PTPRT: variants seen among roughly 807,000 people sequenced by gnomAD.
PTPRT encodes receptor-type tyrosine-protein phosphatase T.
A neutral mutation model predicts 176.8 loss-of-function variants in PTPRT; 56 were observed. The observed-to-expected ratio is 0.32, with a 90% CI of 0.26 to 0.40. PTPRT has a LOEUF of 0.40. Ranked by LOEUF, PTPRT falls within the 10% of genes least tolerant of loss-of-function variation. The pLI is 1.00. For missense variants in PTPRT, 1,540 were observed against 1,908.2 expected (o/e 0.81, Z 3.60); for synonymous variants, 783 against 739.0 (o/e 1.06, Z -0.96).
At chr20:42,693,788 T>C (rs1412764392) in intron 6 of PTPRT, among the ~76,000 whole-genome samples, 3 of 152,048 alleles carry the variant, frequency 2.0e-5, no homozygotes, top group Admixed American at 6.6e-5. Context: ...GACCCTGGGG[T>C]AGGCAAACTA....
intron 7 of PTPRT, among the ~76,000 whole-genome samples, chr20:42,620,683 G>A (rs565502902): frequency 9.2e-5 from 14 of 152,302 alleles, no homozygotes; most frequent in African/African-American, 2.2e-4. Context: ...CGCAATATTC[G>A]GGTGGGAGTG....
chr20:43,166,275 C>T (rs1179099333), intron 1 of PTPRT, among the ~76,000 whole-genome samples: 6 of 150,924 alleles, frequency 4.0e-5, no homozygotes, highest in Non-Finnish European at 8.8e-5. Context: ...TGCAGTGAGT[C>T]GAGATTGTGC....
chr20:42,568,004 C>G (rs907831787), intron 7 of PTPRT, among the ~76,000 whole-genome samples: 1 of 150,254 alleles, frequency 6.7e-6, no homozygotes, highest in African/African-American at 2.5e-5. Context: ...GAGTCTTGCT[C>G]TGTCACCCAG....
chr20:42,865,923 T>C (rs553724117), intron 2 of PTPRT, among the ~76,000 whole-genome samples: 1 of 152,164 alleles, frequency 6.6e-6, no homozygotes, highest in Non-Finnish European at 1.5e-5. Flanking sequence ...ATTGTGGCAA[T>C]GTGCAGAGTT....
At chr20:42,506,645 G>A (rs974464451) in intron 7 of PTPRT, among the ~76,000 whole-genome samples, 4 of 152,094 alleles carry the variant, frequency 2.6e-5, no homozygotes, top group Middle Eastern at 3.2e-3. Flanking sequence ...AGAAAAAAAT[G>A]AGAATATCTT....
intron 1 of PTPRT, among the ~76,000 whole-genome samples, chr20:43,149,720 G>A (rs541550110): frequency 2.6e-5 from 4 of 152,290 alleles, no homozygotes; most frequent in South Asian, 2.1e-4. Context: ...TGCATGTCAC[G>A]TGGTAGATGG....
At chr20:42,511,024 C>A (rs2071945283) in intron 7 of PTPRT, among the ~76,000 whole-genome samples, 1 of 151,998 alleles carries the variant, frequency 6.6e-6, no homozygotes, top group African/African-American at 2.4e-5. Flanking sequence ...AAGGGGTTAT[C>A]ATGGGAAGGG....
chr20:42,119,902 C>T (rs1181647993), intron 20 of PTPRT, 33 bp downstream of exon 20: 1 of 1,593,934 alleles, frequency 6.3e-7, no homozygotes, highest in Non-Finnish European at 8.6e-7. Context: ...CCTGAAGCCT[C>T]TCTGAGGCAC....
intron 6 of PTPRT, among the ~76,000 whole-genome samples, chr20:42,705,728 C>A (rs1414155403): frequency 6.6e-6 from 1 of 152,122 alleles, no homozygotes; most frequent in African/African-American, 2.4e-5. Context: ...GTCCTCATGG[C>A]AACCTTGGCT....
chr20:42,864,617 T>C (rs1204312986), intron 2 of PTPRT, among the ~76,000 whole-genome samples: 2 of 152,232 alleles, frequency 1.3e-5, no homozygotes, highest in Non-Finnish European at 2.9e-5. Context: ...AGAGAAACTT[T>C]GCTCAATAGC....
At chr20:43,068,810 A>G (rs1239568854) in intron 1 of PTPRT, among the ~76,000 whole-genome samples, 1 of 152,166 alleles carries the variant, frequency 6.6e-6, no homozygotes, top group East Asian at 1.9e-4. Flanking sequence ...GGTCAGAAGG[A>G]AGCCAGGTGA....
the PTPRT span, among the ~76,000 whole-genome samples, chr20:42,058,185 A>G: frequency 6.6e-6 from 1 of 152,166 alleles, no homozygotes; most frequent in African/African-American, 2.4e-5. Context: ...CAGCTCTGAG[A>G]GTTCACAGAC....
rs552204948 is a variant in PTPRT at position 42,725,086 on chromosome 20, G to C, written c.859+31376C>G. On this transcript the variant is annotated intron_variant, in intron 6 of 30. Transcript: ENST00000373187. ...CTTTTCGCCCAGGCTGGAGTTCAAT[G>C]GAATGATCTCGGCTCACTGTAGCCT... Among the ~76,000 whole-genome samples, 411 of 151,414 alleles carry C rather than the reference G, an allele frequency of 2.7e-3. 5 individuals carry two copies. Among genetic ancestry groups the C allele is most frequent in the Admixed American group, 4.5e-3 (69 of 15,180 alleles).
intron 9 of PTPRT, among the ~76,000 whole-genome samples, chr20:42,407,689 C>T (rs1485362129): frequency 6.6e-6 from 1 of 151,932 alleles, no homozygotes; most frequent in Non-Finnish European, 1.5e-5. Context: ...AAATGAGATA[C>T]TCAGGAAAAA....
At chr20:42,210,232 T>A (rs1471249363) in intron 15 of PTPRT, among the ~76,000 whole-genome samples, 1 of 152,180 alleles carries the variant, frequency 6.6e-6, no homozygotes, top group Non-Finnish European at 1.5e-5. Flanking sequence ...CTTTGAAAAC[T>A]GGCACAAGAC....
At chr20:43,107,428 T>C (rs1006522906) in intron 1 of PTPRT, among the ~76,000 whole-genome samples, 5 of 152,200 alleles carry the variant, frequency 3.3e-5, no homozygotes. Context: ...GCAATACAAC[T>C]TGAAGAGTTT....
At chr20:42,187,966 A>G (rs1990847186) in intron 16 of PTPRT, among the ~76,000 whole-genome samples, 1 of 152,198 alleles carries the variant, frequency 6.6e-6, no homozygotes, top group African/African-American at 2.4e-5. Flanking sequence ...TTCCCTATTC[A>G]TGGCAAAGTC....
intron 1 of PTPRT, among the ~76,000 whole-genome samples, chr20:43,046,007 A>G (rs1490442136): frequency 6.6e-6 from 1 of 152,130 alleles, no homozygotes; most frequent in Non-Finnish European, 1.5e-5. Flanking sequence ...GTGAATGCAA[A>G]GGCCAAGAAA....
chr20:42,830,305 A>G (rs2078062816), intron 2 of PTPRT, among the ~76,000 whole-genome samples: 1 of 152,260 alleles, frequency 6.6e-6, no homozygotes. Context: ...GTGCAAATCA[A>G]TAAACGTGAT....
Sources: gnomAD v4.1 joint callset for allele counts (sites outside exome capture counted in the v4.1 genomes callset) on GRCh38, gnomAD v4.1.1 for gene constraint, MANE v1.5 for transcripts, NCBI Gene and HGNC (gene_info 2026-07-23, HGNC 2026-07-21) for gene names.